KCNIP4: variants seen among roughly 807,000 people sequenced by gnomAD.
KCNIP4 encodes Kv channel-interacting protein 4.
Under a neutral mutation model 34.0 loss-of-function variants are expected in KCNIP4, and 12 were observed. The ratio of observed to expected loss-of-function variants is 0.35; its 90% CI spans 0.23 to 0.57. The LOEUF (loss-of-function observed/expected upper bound fraction) is 0.57, where lower values mean the gene tolerates loss of function less well. KCNIP4 is among the 20% of genes least tolerant of loss of function. The pLI is 0.83. For synonymous variants in KCNIP4, 124 were observed against 102.2 expected (o/e 1.21, Z -1.29); for missense variants, 238 against 311.7 (o/e 0.76, Z 1.78).
chr4:20,746,178 C>T (rs1393028778), intron 5 of KCNIP4, among the ~76,000 whole-genome samples: 1 of 152,046 alleles, frequency 6.6e-6, no homozygotes, highest in Non-Finnish European at 1.5e-5. Flanking sequence ...ACATATACAC[C>T]ATGGAATACT....
At chr4:20,863,544 G>T (rs1388438628) in intron 2 of KCNIP4, among the ~76,000 whole-genome samples, 2 of 152,126 alleles carry the variant, frequency 1.3e-5, no homozygotes, top group Non-Finnish European at 2.9e-5. Context: ...AAGGCAGACT[G>T]GTCCCCAGGC....
intron 1 of KCNIP4, among the ~76,000 whole-genome samples, chr4:21,324,003 T>C (rs893801966): frequency 6.6e-6 from 1 of 152,148 alleles, no homozygotes; most frequent in African/African-American, 2.4e-5. Flanking sequence ...TGACCAGTGA[T>C]GTTGAGCACT....
chr4:21,445,193 T>C (rs1727867782), intron 1 of KCNIP4, among the ~76,000 whole-genome samples: 1 of 152,160 alleles, frequency 6.6e-6, no homozygotes, highest in Non-Finnish European at 1.5e-5. Flanking sequence ...AAAATGGCCA[T>C]ACTGCCCAAG....
intron 1 of KCNIP4, among the ~76,000 whole-genome samples, chr4:21,173,495 G>A (rs1458115724): frequency 3.3e-5 from 5 of 152,146 alleles, no homozygotes; most frequent in Non-Finnish European, 7.4e-5. Flanking sequence ...CGGGTGCGGT[G>A]ATCACAAAAG....
chr4:21,113,482 G>GAAAAAAAAAAAAAAAAAAAAAA (rs1164913472), intron 1 of KCNIP4, among the ~76,000 whole-genome samples: 10 of 109,464 alleles, frequency 9.1e-5, no homozygotes, highest in Non-Finnish European at 1.9e-4. Context: ...AAAAAAAAAG[G>GAAAAAAAAAAAAAAAAAAAAAA]AAAGCTATAC....
intron 1 of KCNIP4, among the ~76,000 whole-genome samples, chr4:21,909,118 A>G (rs1728160388): frequency 6.6e-6 from 1 of 152,182 alleles, no homozygotes; most frequent in Non-Finnish European, 1.5e-5. Context: ...AAAAAGAACC[A>G]TATCAATAGT....
intron 1 of KCNIP4, among the ~76,000 whole-genome samples, chr4:21,447,611 A>G (rs1156311950): frequency 6.6e-6 from 1 of 152,210 alleles, no homozygotes; most frequent in Non-Finnish European, 1.5e-5. Flanking sequence ...ATACACACCT[A>G]TGATAAAGTT....
intron 1 of KCNIP4, chr4:21,851,338 G>T (rs1724377589): frequency 6.6e-6 from 1 of 152,106 alleles, no homozygotes; most frequent in Non-Finnish European, 1.5e-5. Context: ...AATGTATACA[G>T]GGGAGCTAAA....
intron 1 of KCNIP4, among the ~76,000 whole-genome samples, chr4:21,946,739 C>T (rs575088080): frequency 6.6e-6 from 1 of 152,298 alleles, no homozygotes; most frequent in South Asian, 2.1e-4. Flanking sequence ...GGTGTCAAAT[C>T]AATTCTCAGC....
chr4:21,664,414 CAA>C (rs200113468), intron 1 of KCNIP4, among the ~76,000 whole-genome samples: 84 of 138,372 alleles, frequency 6.1e-4, no homozygotes, highest in Middle Eastern at 3.7e-3. Context: ...TAAACAGAGA[CAA>C]AAAAAAAAAA....
intron 1 of KCNIP4, among the ~76,000 whole-genome samples, chr4:21,520,101 T>C (rs868288365): frequency 2.6e-5 from 4 of 151,958 alleles, no homozygotes; most frequent in African/African-American, 9.7e-5. Flanking sequence ...TTTTTCGGCC[T>C]GCTTTATATT....
intron 1 of KCNIP4, among the ~76,000 whole-genome samples, chr4:21,249,949 G>A (rs1760570985): frequency 6.6e-6 from 1 of 152,044 alleles, no homozygotes; most frequent in Admixed American, 6.6e-5. Context: ...CGAGAGCACT[G>A]TCTTGTGACA....
chr4:20,734,824 C>G, intron 5 of KCNIP4, 89 bp from the exon 6 acceptor site: 1 of 639,460 alleles, frequency 1.6e-6, no homozygotes. Flanking sequence ...GGCTACAACC[C>G]TCTGGATCTT....
At chr4:20,850,473 C>G (rs936019020) in intron 3 of KCNIP4, 70 bp downstream of exon 3, 1 of 1,524,488 alleles carries the variant, frequency 6.6e-7, no homozygotes, top group East Asian at 2.3e-5. Flanking sequence ...ATATTTTCCC[C>G]CTTTTCCTCT....
chr4:21,757,172 AAGGAAGGAAGGAAGGAAGGAAGGAAG>A (rs1717651107), intron 1 of KCNIP4, among the ~76,000 whole-genome samples: 1 of 32,226 alleles, frequency 3.1e-5, no homozygotes, highest in Non-Finnish European at 5.9e-5. Context: ...AGAAAGAAGG[AAGGAAGGAAGGAAGGAAGGAAGGAAG>A]GAAAGAAAGA....
intron 1 of KCNIP4, among the ~76,000 whole-genome samples, chr4:21,507,844 T>C (rs1232977160): frequency 6.6e-6 from 1 of 152,160 alleles, no homozygotes; most frequent in Non-Finnish European, 1.5e-5. Context: ...CTAACAGCTA[T>C]TCTGAAGTTT....
At chr4:21,297,510 G>A (rs930751244) in intron 1 of KCNIP4, among the ~76,000 whole-genome samples, 1 of 152,254 alleles carries the variant, frequency 6.6e-6, no homozygotes, top group Non-Finnish European at 1.5e-5. Flanking sequence ...AACAGGTTAT[G>A]TTTGAAGTTT....
chr4:21,201,844 T>C (rs1004230465), intron 1 of KCNIP4, among the ~76,000 whole-genome samples: 3 of 152,218 alleles, frequency 2.0e-5, no homozygotes, highest in Non-Finnish European at 4.4e-5. Flanking sequence ...CTCATTATCC[T>C]TCACACAATA....
chr4:21,679,994 G>A (rs1328501175), intron 1 of KCNIP4, among the ~76,000 whole-genome samples: 1 of 152,178 alleles, frequency 6.6e-6, no homozygotes, highest in Admixed American at 6.5e-5. Context: ...GAGGTGTCTA[G>A]TGTAATTCTT....
Sources: allele counts gnomAD v4.1 joint callset (sites outside exome capture counted in the v4.1 genomes callset), GRCh38; gene constraint gnomAD v4.1.1; transcripts MANE v1.5; gene names NCBI Gene and HGNC (gene_info 2026-07-23, HGNC 2026-07-21).